NOX4: variants seen among roughly 807,000 people sequenced by gnomAD.
NOX4 encodes the protein kidney oxidase-1.
Under a neutral mutation model 87.6 loss-of-function variants are expected in NOX4, and 69 were observed. The ratio of observed to expected loss-of-function variants is 0.79; its 90% CI spans 0.65 to 0.96. The LOEUF is 0.96. Ranked by LOEUF, NOX4 falls within the 40% of genes least tolerant of loss-of-function variation. The pLI is 0.00. For synonymous variants in NOX4, 275 were observed against 238.2 expected (o/e 1.15, Z -1.42); for missense variants, 680 against 681.5 (o/e 1.00, Z 0.02).
At chr11:89,340,361 A>T (rs1945927982) in intron 14 of NOX4, among the ~76,000 whole-genome samples, 190 bp from the exon 15 acceptor site, 1 of 152,206 alleles carries the variant, frequency 6.6e-6, no homozygotes, top group African/African-American at 2.4e-5. Context: ...TTAATATGCA[A>T]TATACTGACT....
At chr11:89,426,570 A>G (rs1943429393) in intron 7 of NOX4, among the ~76,000 whole-genome samples, 1 of 152,100 alleles carries the variant, frequency 6.6e-6, no homozygotes, top group Non-Finnish European at 1.5e-5. Context: ...ACACCAGGAG[A>G]TTATATCCCA....
chr11:89,457,496 C>T (rs1012716157), intron 2 of NOX4, among the ~76,000 whole-genome samples: 2 of 152,190 alleles, frequency 1.3e-5, no homozygotes, highest in African/African-American at 4.8e-5. Flanking sequence ...TGGGACACCT[C>T]AGCCCCCCGA....
intron 4 of NOX4, among the ~76,000 whole-genome samples, chr11:89,444,504 C>CATCTAATGATATGAGTAT (rs1238180017): frequency 2.1e-5 from 3 of 142,260 alleles, no homozygotes; most frequent in African/African-American, 8.2e-5. Flanking sequence ...TACACACACA[C>CATCTAATGATATGAGTAT]ATCCTCCCCC....
At chr11:89,546,034 A>C in the NOX4 span, among the ~76,000 whole-genome samples, 1 of 152,100 alleles carries the variant, frequency 6.6e-6, no homozygotes, top group African/African-American at 2.4e-5. Flanking sequence ...AATATTTAAA[A>C]ATTTCTCTGC....
the NOX4 span, among the ~76,000 whole-genome samples, chr11:89,535,982 T>C: frequency 6.6e-6 from 1 of 152,094 alleles, no homozygotes; most frequent in East Asian, 1.9e-4. Context: ...CACTTTTTCT[T>C]ACCCGGAAAA....
At chr11:89,460,918 A>T (rs1421994409) in intron 2 of NOX4, among the ~76,000 whole-genome samples, 1 of 152,200 alleles carries the variant, frequency 6.6e-6, no homozygotes, top group Non-Finnish European at 1.5e-5. Flanking sequence ...CAAATGTCCA[A>T]CAATGATAGA....
intron 11 of NOX4, among the ~76,000 whole-genome samples, chr11:89,376,972 C>T (rs1345826855): frequency 2.6e-5 from 4 of 152,064 alleles, no homozygotes; most frequent in Non-Finnish European, 4.4e-5. Flanking sequence ...GCAGGAGAAT[C>T]ACTTGAATTC....
chr11:89,548,345 C>A, the NOX4 span: 1 of 152,162 alleles, frequency 6.6e-6, no homozygotes, highest in African/African-American at 2.4e-5. Flanking sequence ...TGGTCATCTG[C>A]AAACTGAATG....
chr11:89,561,050 C>CATATATATATATATATAT, the NOX4 span, among the ~76,000 whole-genome samples: 179 of 28,528 alleles, frequency 6.3e-3, 3 homozygotes, highest in South Asian at 7.4e-3. Flanking sequence ...ATATATCATA[C>CATATATATATATATATAT]ATATATATAT....
At chr11:89,400,434 A>G in intron 9 of NOX4, 55 bp from the exon 10 acceptor site, 1 of 1,350,622 alleles carries the variant, frequency 7.4e-7, no homozygotes, top group Non-Finnish European at 1.0e-6. Context: ...GTAGAAATCT[A>G]CACCCTGCCC....
At chr11:89,523,316 C>T in the NOX4 span, among the ~76,000 whole-genome samples, 2 of 152,144 alleles carry the variant, frequency 1.3e-5, no homozygotes, top group African/African-American at 4.8e-5. Flanking sequence ...GCTATGGTGC[C>T]TGGCTGGAAA....
At chr11:89,516,641 G>A in the NOX4 span, among the ~76,000 whole-genome samples, 16 of 152,036 alleles carry the variant, frequency 1.1e-4, no homozygotes, top group Admixed American at 4.6e-4. Flanking sequence ...TTCTTACTAG[G>A]ATCCTTGAGG....
intron 8 of NOX4, among the ~76,000 whole-genome samples, chr11:89,405,080 T>TTGTGTGTGTGTGTGTG (rs71472257): frequency 0.18 from 24,335 of 132,800 alleles, 2,611 homozygotes; most frequent in Non-Finnish European, 0.22. Context: ...AAAAGTCAGA[T>TTGTGTGTGTGTGTGTG]TGTGTGTGTG....
the NOX4 span, among the ~76,000 whole-genome samples, chr11:89,564,467 A>G: frequency 6.6e-6 from 1 of 152,204 alleles, no homozygotes; most frequent in Non-Finnish European, 1.5e-5. Flanking sequence ...CCAGGGTTCA[A>G]TCAGCTCCTA....
At chr11:89,472,737 C>A (rs1455889947) in intron 2 of NOX4, among the ~76,000 whole-genome samples, 1 of 152,190 alleles carries the variant, frequency 6.6e-6, no homozygotes, top group South Asian at 2.1e-4. Flanking sequence ...AGAAAACATT[C>A]ACTTCTAGAC....
intron 12 of NOX4, among the ~76,000 whole-genome samples, chr11:89,361,741 T>G (rs1196136912): frequency 6.6e-6 from 1 of 152,164 alleles, no homozygotes; most frequent in African/African-American, 2.4e-5. Context: ...CCTAGCATCC[T>G]GCTCCATTTC....
the NOX4 span, among the ~76,000 whole-genome samples, chr11:89,515,470 GT>G: frequency 1.7e-4 from 25 of 145,572 alleles, no homozygotes; most frequent in Admixed American, 1.2e-3. Flanking sequence ...TTGGATTCAA[GT>G]TTTTTTTTTC....
At chr11:89,567,094 G>A in the NOX4 span, among the ~76,000 whole-genome samples, 512 of 152,246 alleles carry the variant, frequency 3.4e-3, 3 homozygotes, top group African/African-American at 0.012. Context: ...GACCTGAACA[G>A]AGCAGAGCTA....
the NOX4 span, among the ~76,000 whole-genome samples, chr11:89,547,457 A>T: frequency 6.6e-6 from 1 of 152,186 alleles, no homozygotes; most frequent in South Asian, 2.1e-4. Flanking sequence ...GATATAATTA[A>T]TTTTAAATAT....
Sources: allele counts gnomAD v4.1 joint callset (sites outside exome capture counted in the v4.1 genomes callset), GRCh38; gene constraint gnomAD v4.1.1; transcripts MANE v1.5; gene names NCBI Gene and HGNC (gene_info 2026-07-23, HGNC 2026-07-21).